Variants in SDK1 observed in about 807,000 individuals in gnomAD.
SDK1 encodes sidekick cell adhesion molecule 1.
In SDK1, 157 loss-of-function variants were observed where a neutral mutation model predicts 245.5. The ratio of observed to expected loss-of-function variants is 0.64; its 90% confidence interval spans 0.56 to 0.73. The LOEUF (loss-of-function observed/expected upper bound fraction) is 0.73, where lower values mean the gene tolerates loss of function less well. Among genes scored for constraint, SDK1 ranks in the 30% least tolerant of loss-of-function variants. The pLI, the probability that SDK1 is intolerant of heterozygous loss-of-function variation, is 0.00. For synonymous variants in SDK1, 1,647 were observed against 1,278.5 expected, an observed-to-expected ratio of 1.29 and a Z score of -6.15; for missense variants, 3,583 against 3,002.3, an observed-to-expected ratio of 1.19 and a Z score of -4.52.
chr7:4,150,357 A>G (rs961043532), intron 30 of SDK1, among the ~76,000 whole-genome samples: 4 of 152,110 alleles, frequency 2.6e-5, no homozygotes, highest in African/African-American at 9.7e-5. Flanking sequence ...GAGTCCCTCC[A>G]TGTCGCAGGG....
chr7:3,326,662 A>T (rs1183251409), intron 1 of SDK1, among the ~76,000 whole-genome samples: 4 of 152,034 alleles, frequency 2.6e-5, no homozygotes, highest in African/African-American at 9.7e-5. Flanking sequence ...TAAATTAATT[A>T]TTTCAATTCA....
chr7:3,494,487 A>AT (rs999448684), intron 1 of SDK1, among the ~76,000 whole-genome samples: 4 of 151,964 alleles, frequency 2.6e-5, no homozygotes, highest in Non-Finnish European at 4.4e-5. Flanking sequence ...TTGTGAAAGA[A>AT]TTTTTTTTGT....
At position 3,869,158 on chromosome 7, in the gene SDK1, T is replaced by C. The variant is rs568313185; in HGVS notation, c.847+47575T>C. ...CACAGTTGTATTTTTCATTTCTTTT[T>C]TTTTTTTTTTTTTTTGAGGCAGGGT... On this transcript the variant is annotated intron_variant, in intron 5 of 44. Coordinates refer to ENST00000404826, the MANE Select transcript of SDK1 (RefSeq NM_152744.4). 2.2e-3 allele frequency among the ~76,000 whole-genome samples: 329 copies of C among 148,408 alleles called. 1 individual carries two copies. Among genetic ancestry groups the C allele is most frequent in the African/African-American group, 7.9e-3 (320 of 40,282 alleles).
At chr7:3,557,154 A>T (rs943017483) in intron 1 of SDK1, among the ~76,000 whole-genome samples, 1 of 152,134 alleles carries the variant, frequency 6.6e-6, no homozygotes, top group Non-Finnish European at 1.5e-5. Context: ...AAAAAAATCA[A>T]TGTATCAAAA....
chr7:4,053,207 G>T (rs1200285846), intron 19 of SDK1, among the ~76,000 whole-genome samples: 1 of 151,874 alleles, frequency 6.6e-6, no homozygotes, highest in Non-Finnish European at 1.5e-5. Flanking sequence ...CTAGAGTTTG[G>T]CCGTCGCCAG....
intron 1 of SDK1, among the ~76,000 whole-genome samples, chr7:3,583,878 A>G (rs1453485769): frequency 2.6e-5 from 4 of 152,110 alleles, no homozygotes; most frequent in African/African-American, 9.7e-5. Flanking sequence ...AGCAGAAGAA[A>G]GCATGGGACT....
chr7:3,666,753 C>A (rs948251223), intron 4 of SDK1, among the ~76,000 whole-genome samples: 1 of 151,756 alleles, frequency 6.6e-6, no homozygotes, highest in African/African-American at 2.4e-5. Flanking sequence ...TTTGTGAAAA[C>A]AAAAAAAATC....
At chr7:4,011,634 A>C (rs1785974031) in intron 15 of SDK1, among the ~76,000 whole-genome samples, 1 of 152,194 alleles carries the variant, frequency 6.6e-6, no homozygotes, top group African/African-American at 2.4e-5. Context: ...ATTTCAGCAC[A>C]CCTTCCCCAA....
intron 1 of SDK1, among the ~76,000 whole-genome samples, chr7:3,339,098 A>G (rs901887310): frequency 3.3e-5 from 5 of 152,190 alleles, no homozygotes; most frequent in African/African-American, 1.2e-4. Flanking sequence ...GGTTGAAAGT[A>G]AAGGATGGAA....
intron 1 of SDK1, among the ~76,000 whole-genome samples, chr7:3,593,492 C>T (rs989110417): frequency 3.3e-5 from 5 of 152,202 alleles, no homozygotes; most frequent in African/African-American, 9.7e-5. Context: ...TGTTTTGGAA[C>T]ATCATTCCTT....
chr7:3,632,840 C>G (rs985231114), intron 2 of SDK1, among the ~76,000 whole-genome samples: 13 of 152,066 alleles, frequency 8.5e-5, no homozygotes, highest in Admixed American at 3.3e-4. Context: ...TTGAATTGTC[C>G]TTGTGTTTTT....
At chr7:4,110,576 C>A in intron 22 of SDK1, 87 bp from the exon 23 acceptor site, 1 of 943,748 alleles carries the variant, frequency 1.1e-6, no homozygotes, top group Non-Finnish European at 1.7e-6. Context: ...GCCCAGCTCA[C>A]CAGGTACCAG....
At chr7:3,649,313 A>G (rs1444179394) in intron 4 of SDK1, among the ~76,000 whole-genome samples, 1 of 152,128 alleles carries the variant, frequency 6.6e-6, no homozygotes, top group Non-Finnish European at 1.5e-5. Flanking sequence ...ATATAACAAA[A>G]TGCGCATTTT....
At chr7:3,304,313 A>G (rs1779360252) in intron 1 of SDK1, among the ~76,000 whole-genome samples, 1 of 152,222 alleles carries the variant, frequency 6.6e-6, no homozygotes, top group African/African-American at 2.4e-5. Flanking sequence ...AGGTGGCAAC[A>G]CATGCTTTCT....
At chr7:4,078,475 T>G (rs547043990) in intron 21 of SDK1, among the ~76,000 whole-genome samples, 2 of 152,274 alleles carry the variant, frequency 1.3e-5, no homozygotes, top group East Asian at 3.9e-4. Context: ...ACCCTGCCCA[T>G]GCCGATACTG....
chr7:3,663,921 C>T, intron 4 of SDK1, among the ~76,000 whole-genome samples: 1 of 152,204 alleles, frequency 6.6e-6, no homozygotes, highest in East Asian at 1.9e-4. Context: ...ATCATTGTCA[C>T]TGTAGGAAGA....
intron 1 of SDK1, among the ~76,000 whole-genome samples, chr7:3,386,749 C>T (rs1002676377): frequency 6.6e-6 from 1 of 152,196 alleles, no homozygotes; most frequent in Admixed American, 6.5e-5. Context: ...GTCCCGGGGA[C>T]TTGACTTCTT....
chr7:3,436,447 A>G (rs978187284), intron 1 of SDK1, among the ~76,000 whole-genome samples: 2 of 152,108 alleles, frequency 1.3e-5, no homozygotes, highest in Non-Finnish European at 2.9e-5. Context: ...TAATTTTGTC[A>G]TGCTTGTCAT....
intron 4 of SDK1, among the ~76,000 whole-genome samples, chr7:3,804,030 C>CT (rs1217210182): frequency 1.3e-5 from 2 of 152,174 alleles, no homozygotes; most frequent in Admixed American, 6.5e-5. Context: ...TCCCAAAGTG[C>CT]TGGGATTACA....
Sources: gnomAD v4.1 joint callset for allele counts (sites outside exome capture counted in the v4.1 genomes callset) on GRCh38, gnomAD v4.1.1 for gene constraint, MANE v1.5 for transcripts, NCBI Gene and HGNC (gene_info 2026-07-23, HGNC 2026-07-21) for gene names.